Variants in DAPK2 observed in about 807,000 individuals in gnomAD.
The protein encoded by DAPK2 is death-associated protein kinase 2.
DAPK2 carries 35 observed loss-of-function variants against 44.1 expected under a neutral mutation model. The ratio of observed to expected loss-of-function variants is 0.79; its 90% confidence interval spans 0.61 to 1.05. The LOEUF (loss-of-function observed/expected upper bound fraction) is 1.05, where lower values mean the gene tolerates loss of function less well. Among genes scored for constraint, DAPK2 ranks in the 50% least tolerant of loss-of-function variants. DAPK2 has a pLI of 0.00. For synonymous variants in DAPK2, 174 were observed against 182.6 expected (o/e 0.95, Z 0.38); for missense variants, 453 against 483.2 (o/e 0.94, Z 0.59).
At chr15:64,024,396 G>C (rs182206516) in intron 1 of DAPK2, among the ~76,000 whole-genome samples, 2 of 152,176 alleles carry the variant, frequency 1.3e-5, no homozygotes, top group Admixed American at 1.3e-4. Context: ...TTGGGGAACA[G>C]GACTTCCTGT....
intron 1 of DAPK2, among the ~76,000 whole-genome samples, chr15:64,032,512 G>A (rs1027545297): frequency 2.0e-5 from 3 of 152,190 alleles, no homozygotes; most frequent in East Asian, 1.9e-4. Flanking sequence ...CATTAGTGCT[G>A]CTCGCCCCAG....
At chr15:63,915,837 G>A (rs2078913082) in intron 8 of DAPK2, among the ~76,000 whole-genome samples, 2 of 152,188 alleles carry the variant, frequency 1.3e-5, no homozygotes, top group South Asian at 2.1e-4. Flanking sequence ...CCCACCAAAC[G>A]CTGATGCTGA....
chr15:63,996,625 A>G (rs971904739), intron 1 of DAPK2, among the ~76,000 whole-genome samples: 3 of 152,190 alleles, frequency 2.0e-5, no homozygotes, highest in Admixed American at 6.5e-5. Context: ...AAGAGGAATC[A>G]TAAGTGGTTC....
intron 4 of DAPK2, among the ~76,000 whole-genome samples, chr15:63,938,849 GAA>G: frequency 6.6e-6 from 1 of 152,314 alleles, no homozygotes; most frequent in East Asian, 1.9e-4. Flanking sequence ...TCCTTTTCAG[GAA>G]ATCAAAAGCT....
upstream of DAPK2, among the ~76,000 whole-genome samples, chr15:64,041,734 A>G (rs188053234): frequency 5.7e-4 from 87 of 152,354 alleles, no homozygotes; most frequent in African/African-American, 1.9e-3. Flanking sequence ...CATCTCATCA[A>G]TGCCAAGTGG....
Position 63,925,932 on chromosome 15 carries a change from T to G in DAPK2, c.812+9A>C. On this transcript the variant is annotated intron_variant, in intron 7 of 10. Transcript: ENST00000261891. ...ACCTGAGAAACCAGTGGCTTCTCTG[T>G]CCTCTTACCGGGTCTCTTTAACCAG... 1 of 1,614,104 alleles carries G rather than the reference T, an allele frequency of 6.2e-7. No individual in the cohort carries two copies. Among genetic ancestry groups the G allele is most frequent in the East Asian group, 2.2e-5 (1 of 44,868 alleles).
At chr15:63,919,123 A>C (rs2079005891) in intron 8 of DAPK2, 1 of 152,194 alleles carries the variant, frequency 6.6e-6, no homozygotes, top group Non-Finnish European at 1.5e-5. Flanking sequence ...ACGGGACTTC[A>C]GCTGGCCAGG....
At chr15:63,930,936 C>G (rs2079530958) in intron 4 of DAPK2, among the ~76,000 whole-genome samples, 1 of 152,110 alleles carries the variant, frequency 6.6e-6, no homozygotes, top group African/African-American at 2.4e-5. Flanking sequence ...TGGCACATGT[C>G]TGCAGTCCCA....
chr15:63,925,819 G>T, intron 7 of DAPK2, 122 bp downstream of exon 8: 1 of 1,295,484 alleles, frequency 7.7e-7, no homozygotes, highest in Non-Finnish European at 1.1e-6. Context: ...CACCTGCCCG[G>T]ATTAGACCAC....
intron 6 of DAPK2, chr15:63,928,525 C>T (rs1372279391): frequency 6.6e-6 from 1 of 152,218 alleles, no homozygotes. Flanking sequence ...CTCACTAGCC[C>T]ACTGTGCATG....
chr15:63,926,980 C>G (rs767789438), intron 6 of DAPK2, among the ~76,000 whole-genome samples: 1 of 152,188 alleles, frequency 6.6e-6, no homozygotes, highest in Non-Finnish European at 1.5e-5. Flanking sequence ...ATGGTGGCAG[C>G]AAGGTGCACT....
chr15:64,030,840 T>C (rs1347089475), intron 1 of DAPK2, among the ~76,000 whole-genome samples: 1 of 152,102 alleles, frequency 6.6e-6, no homozygotes, highest in Non-Finnish European at 1.5e-5. Context: ...CTAGGGCACA[T>C]GCCTATAGCC....
intron 3 of DAPK2, among the ~76,000 whole-genome samples, chr15:63,940,393 T>C (rs565518700): frequency 6.6e-6 from 1 of 151,624 alleles, no homozygotes; most frequent in African/African-American, 2.4e-5. Flanking sequence ...TAAAAAGGAA[T>C]GAAGCCAAAG....
chr15:64,020,857 C>T lies in DAPK2; in HGVS notation c.92+19313G>A, dbSNP rs2079660645. 6.6e-6 allele frequency among the ~76,000 whole-genome samples: 1 copy of T among 152,184 alleles called. No individual in the cohort carries two copies. The highest frequency in any genetic ancestry group is 6.5e-5 in the Admixed American group (1 of 15,284). ...TGGAGTAATGGAAAGGGCAAAGGAC[C>T]TGGAGTGCAAAGACCCACATTCAGG... On this transcript the variant is annotated intron_variant, in intron 1 of 10. Transcript: ENST00000261891. This position sits in a 1 kb window ranked among gnomAD's most constrained non-coding sequence, Gnocchi z 4.5.
At chr15:63,975,116 G>A (rs1350661682) in intron 2 of DAPK2, among the ~76,000 whole-genome samples, 1 of 152,142 alleles carries the variant, frequency 6.6e-6, no homozygotes, top group African/African-American at 2.4e-5. Context: ...ACAATCCTCT[G>A]ACAGAAGCTG....
At chr15:63,907,858 C>G (rs547667600) in exon 11 of DAPK2, 2 of 152,518 alleles carry the variant, frequency 1.3e-5, no homozygotes, top group African/African-American at 4.8e-5. Flanking sequence ...GGTGCCCCCC[C>G]TCAGAGTTAC....
chr15:63,987,185 G>T (rs2078689646), intron 1 of DAPK2, among the ~76,000 whole-genome samples: 1 of 152,186 alleles, frequency 6.6e-6, no homozygotes, highest in Non-Finnish European at 1.5e-5. Context: ...ATGCACAAAA[G>T]CAGAACCTGA....
intron 2 of DAPK2, among the ~76,000 whole-genome samples, chr15:63,975,506 A>T (rs988326311): frequency 6.6e-6 from 1 of 152,158 alleles, no homozygotes; most frequent in Non-Finnish European, 1.5e-5. Context: ...ACTTGCCCAC[A>T]GTCCCATAGC....
chr15:63,979,790 C>T (rs553447602), intron 2 of DAPK2, among the ~76,000 whole-genome samples: 2 of 152,224 alleles, frequency 1.3e-5, no homozygotes, highest in Admixed American at 6.5e-5. Context: ...GGGGCACATA[C>T]TGGTAGTCCC....
Sources: gnomAD v4.1 joint callset for allele counts (sites outside exome capture counted in the v4.1 genomes callset) on GRCh38, gnomAD v4.1.1 for gene constraint, Gnocchi (gnomAD v3.1) non-coding constraint, MANE v1.5 for transcripts, NCBI Gene and HGNC (gene_info 2026-07-23, HGNC 2026-07-21) for gene names.